The following LINGO2 variants were observed in gnomAD, a reference collection of about 807,000 sequenced individuals.
LINGO2 encodes leucine-rich repeat and immunoglobulin-like domain-containing nogo receptor-interacting protein 2.
LINGO2 carries 14 observed loss-of-function variants against 30.6 expected under a neutral mutation model. The observed-to-expected ratio is 0.46, with a 90% CI of 0.30 to 0.72. The LOEUF is 0.72. Among genes scored for constraint, LINGO2 ranks in the 30% least tolerant of loss-of-function variants. The pLI is 0.07. For missense variants in LINGO2, 729 were observed against 751.7 expected, an observed-to-expected ratio of 0.97 and a Z score of 0.35; for synonymous variants, 317 against 288.5, an observed-to-expected ratio of 1.10 and a Z score of -1.00.
chr9:27,965,325 C>T (rs1820047183), intron 5 of LINGO2, among the ~76,000 whole-genome samples: 1 of 150,910 alleles, frequency 6.6e-6, no homozygotes, highest in Non-Finnish European at 1.5e-5. Context: ...CCTTATACTT[C>T]TCTCATGCTT....
At chr9:28,913,243 T>C in the LINGO2 span, among the ~76,000 whole-genome samples, 1 of 152,110 alleles carries the variant, frequency 6.6e-6, no homozygotes, top group African/African-American at 2.4e-5. Context: ...TAACATGTGA[T>C]GTAGTAATTA....
chr9:28,869,461 G>A, the LINGO2 span, among the ~76,000 whole-genome samples: 1 of 152,058 alleles, frequency 6.6e-6, no homozygotes, highest in African/African-American at 2.4e-5. Context: ...GTCACAGAAA[G>A]AAGGCTATTC....
intron 4 of LINGO2, among the ~76,000 whole-genome samples, chr9:28,281,873 C>T (rs764214698): frequency 1.2e-4 from 18 of 151,992 alleles, no homozygotes; most frequent in Non-Finnish European, 2.2e-4. Flanking sequence ...AACTAGTGAC[C>T]GGATTTCTGC....
At chr9:28,885,469 AT>A in the LINGO2 span, among the ~76,000 whole-genome samples, 1 of 67,480 alleles carries the variant, frequency 1.5e-5, no homozygotes, top group Admixed American at 1.7e-4. Context: ...ACATATATAT[AT>A]ACATACATAT....
chr9:28,575,129 C>A (rs767497442), intron 1 of LINGO2, among the ~76,000 whole-genome samples: 1 of 152,090 alleles, frequency 6.6e-6, no homozygotes, highest in Non-Finnish European at 1.5e-5. Flanking sequence ...CCAGGCCAGG[C>A]GTGGTGGCTC....
At chr9:28,395,211 G>C (rs981575561) in intron 2 of LINGO2, among the ~76,000 whole-genome samples, 1 of 152,128 alleles carries the variant, frequency 6.6e-6, no homozygotes, top group African/African-American at 2.4e-5. Flanking sequence ...CTTGAAGTAA[G>C]CTCTATGATC....
At chr9:28,212,300 C>T (rs1321799171) in intron 4 of LINGO2, among the ~76,000 whole-genome samples, 1 of 151,270 alleles carries the variant, frequency 6.6e-6, no homozygotes, top group Admixed American at 6.6e-5. Context: ...GTTTCATTTA[C>T]AGCATAGGAA....
chr9:28,091,758 C>G (rs1003861815), intron 4 of LINGO2, among the ~76,000 whole-genome samples: 3 of 152,108 alleles, frequency 2.0e-5, no homozygotes, highest in African/African-American at 7.2e-5. Context: ...TCAGAGTGAA[C>G]AGGCAACCTA....
At chr9:27,966,034 T>C (rs1309375065) in intron 5 of LINGO2, among the ~76,000 whole-genome samples, 1 of 152,102 alleles carries the variant, frequency 6.6e-6, no homozygotes, top group Admixed American at 6.6e-5. Flanking sequence ...GTGAATGAAA[T>C]GTGATCGTGT....
rs138125162 is a variant in LINGO2 at position 28,478,382 on chromosome 9, A to C, written c.-364-2357T>G. Among the ~76,000 whole-genome samples the C allele has an allele frequency of 4.0e-3, 607 of 152,222 alleles. 4 individuals are homozygous for C. Among genetic ancestry groups the C allele is most frequent in the African/African-American group, 0.014 (561 of 41,552 alleles). ...AGCATTGCTTCTCAAGCTTAAAACA[A>C]ATATGAGTTACATGGAGATTTATAG... is the stretch of plus-strand genomic sequence containing the variant. On this transcript the variant is annotated intron_variant, in intron 1 of 5. Coordinates refer to ENST00000379992, the Ensembl canonical transcript of LINGO2.
the LINGO2 span, among the ~76,000 whole-genome samples, chr9:28,756,269 A>T: frequency 6.6e-6 from 1 of 152,026 alleles, no homozygotes; most frequent in Non-Finnish European, 1.5e-5. Context: ...TCAGACTAGC[A>T]TGGGGCCTGT....
intron 2 of LINGO2, among the ~76,000 whole-genome samples, chr9:28,447,393 G>A (rs946727784): frequency 6.6e-5 from 10 of 152,204 alleles, no homozygotes; most frequent in African/African-American, 2.2e-4. Flanking sequence ...GGTACCATGT[G>A]CGAACCAGAA....
chr9:29,084,821 C>G, the LINGO2 span, among the ~76,000 whole-genome samples: 1 of 151,938 alleles, frequency 6.6e-6, no homozygotes, highest in Non-Finnish European at 1.5e-5. Flanking sequence ...AATTTTCCTA[C>G]TAAATTATAG....
the LINGO2 span, among the ~76,000 whole-genome samples, chr9:29,055,748 G>C: frequency 6.6e-6 from 1 of 151,998 alleles, no homozygotes; most frequent in Non-Finnish European, 1.5e-5. Context: ...TCAAAGTCCA[G>C]GGTATCATTC....
chr9:28,541,501 T>C (rs962837489), intron 1 of LINGO2, among the ~76,000 whole-genome samples: 1 of 152,170 alleles, frequency 6.6e-6, no homozygotes, highest in African/African-American at 2.4e-5. Context: ...GCAATTTTTA[T>C]AATTGAGTCA....
the LINGO2 span, among the ~76,000 whole-genome samples, chr9:28,982,634 A>T: frequency 6.6e-6 from 1 of 151,948 alleles, no homozygotes; most frequent in Non-Finnish European, 1.5e-5. Flanking sequence ...TCAGAGAAAA[A>T]TTTTTCTAAA....
At chr9:28,382,575 T>TG (rs974363923) in intron 2 of LINGO2, among the ~76,000 whole-genome samples, 2 of 152,112 alleles carry the variant, frequency 1.3e-5, no homozygotes, top group African/African-American at 4.8e-5. Context: ...TTGAATCTCA[T>TG]GGGGGGCCAT....
the LINGO2 span, among the ~76,000 whole-genome samples, chr9:28,994,146 A>G: frequency 6.6e-6 from 1 of 152,114 alleles, no homozygotes; most frequent in South Asian, 2.1e-4. Flanking sequence ...AATCTCCTTA[A>G]GCTGATAAGC....
chr9:28,989,721 T>C, the LINGO2 span, among the ~76,000 whole-genome samples: 1 of 152,176 alleles, frequency 6.6e-6, no homozygotes, highest in Non-Finnish European at 1.5e-5. Context: ...ATACACTGCC[T>C]CTTCTTAGGG....
Sources: gnomAD v4.1 joint callset for allele counts (sites outside exome capture counted in the v4.1 genomes callset) on GRCh38, gnomAD v4.1.1 for gene constraint, MANE v1.5 for transcripts, NCBI Gene and HGNC (gene_info 2026-07-23, HGNC 2026-07-21) for gene names.